GPC5: variants seen among roughly 807,000 people sequenced by gnomAD.
GPC5 encodes the protein glypican-5.
In GPC5, 47 loss-of-function variants were observed where a neutral mutation model predicts 53.9. The ratio of observed to expected loss-of-function variants is 0.87; its 90% CI spans 0.69 to 1.11. The LOEUF is 1.11. Among genes scored for constraint, GPC5 ranks in the 50% most tolerant of loss-of-function variants. The pLI, the probability that GPC5 is intolerant of heterozygous loss-of-function variation, is 0.00. For synonymous variants in GPC5, 286 were observed against 263.3 expected, an observed-to-expected ratio of 1.09 and a Z score of -0.84; for missense variants, 748 against 713.1, an observed-to-expected ratio of 1.05 and a Z score of -0.56.
chr13:92,855,668 G>C (rs1308892414), intron 7 of GPC5, among the ~76,000 whole-genome samples: 1 of 149,918 alleles, frequency 6.7e-6, no homozygotes, highest in Non-Finnish European at 1.5e-5. Context: ...TGACAAAAGT[G>C]ACATTATAAA....
chr13:91,852,162 C>G (rs1453613510), intron 5 of GPC5, among the ~76,000 whole-genome samples: 5 of 152,034 alleles, frequency 3.3e-5, no homozygotes, highest in Admixed American at 6.6e-5. Flanking sequence ...TTTTACTTTA[C>G]AAGCATTAGT....
intron 6 of GPC5, among the ~76,000 whole-genome samples, chr13:92,009,274 G>GTGTGTGTGTC: frequency 6.6e-6 from 1 of 151,546 alleles, no homozygotes; most frequent in East Asian, 1.9e-4. Flanking sequence ...GTGTGTGTGT[G>GTGTGTGTGTC]TGTGTGTGTG....
At chr13:92,281,102 C>T (rs1031166706) in intron 7 of GPC5, among the ~76,000 whole-genome samples, 4 of 152,196 alleles carry the variant, frequency 2.6e-5, no homozygotes, top group Admixed American at 6.5e-5. Flanking sequence ...GAGATAATAT[C>T]CCGTGCCTGG....
chr13:92,156,616 T>C (rs2041946956), intron 7 of GPC5, among the ~76,000 whole-genome samples: 1 of 152,200 alleles, frequency 6.6e-6, no homozygotes, highest in Non-Finnish European at 1.5e-5. Context: ...ACCAGTCTAA[T>C]AAATGGTATC....
intron 7 of GPC5, among the ~76,000 whole-genome samples, chr13:92,391,796 A>C (rs993576621): frequency 6.6e-6 from 1 of 152,180 alleles, no homozygotes; most frequent in South Asian, 2.1e-4. Context: ...TTAGGGGAAC[A>C]CATAGAATCC....
intron 7 of GPC5, chr13:92,240,334 T>G (rs2042602447): frequency 6.6e-6 from 1 of 152,092 alleles, no homozygotes; most frequent in African/African-American, 2.4e-5. Flanking sequence ...ATTAAGCAAT[T>G]CTTAGCATCT....
intron 7 of GPC5, among the ~76,000 whole-genome samples, chr13:92,414,920 G>C (rs1488642701): frequency 1.3e-5 from 2 of 152,124 alleles, no homozygotes; most frequent in Non-Finnish European, 2.9e-5. Context: ...TTATCACATT[G>C]GGGATTAAGT....
chr13:91,515,680 A>T (rs1885460063), intron 2 of GPC5, among the ~76,000 whole-genome samples: 1 of 152,190 alleles, frequency 6.6e-6, no homozygotes, highest in East Asian at 1.9e-4. Flanking sequence ...CCCACCAAAT[A>T]ATCCAGGATA....
intron 5 of GPC5, among the ~76,000 whole-genome samples, chr13:91,812,426 CT>C (rs2038327703): frequency 6.6e-6 from 1 of 152,116 alleles, no homozygotes; most frequent in African/African-American, 2.4e-5. Flanking sequence ...TTATGAAGTA[CT>C]TTAGCACACT....
intron 6 of GPC5, among the ~76,000 whole-genome samples, chr13:91,997,937 A>G (rs1193311003): frequency 6.6e-6 from 1 of 152,224 alleles, no homozygotes; most frequent in East Asian, 1.9e-4. Flanking sequence ...AAAGTTCTAG[A>G]AATTCTTTCA....
chr13:91,781,439 A>G (rs1472792840), intron 5 of GPC5, among the ~76,000 whole-genome samples: 1 of 152,236 alleles, frequency 6.6e-6, no homozygotes, highest in Non-Finnish European at 1.5e-5. Flanking sequence ...CCTTTTATTT[A>G]TAAGGTATTC....
chr13:92,063,333 A>C (rs1249546756), intron 6 of GPC5, among the ~76,000 whole-genome samples: 2 of 152,146 alleles, frequency 1.3e-5, no homozygotes, highest in Non-Finnish European at 2.9e-5. Context: ...ATTTCTTACT[A>C]ACTTAAAATG....
intron 7 of GPC5, among the ~76,000 whole-genome samples, chr13:92,537,592 A>G (rs961575282): frequency 3.9e-5 from 6 of 152,120 alleles, no homozygotes; most frequent in African/African-American, 1.4e-4. Context: ...ATTGCCTAAT[A>G]TAAGTTTACA....
At chr13:92,862,927 C>T (rs1879228738) in intron 7 of GPC5, among the ~76,000 whole-genome samples, 2 of 152,014 alleles carry the variant, frequency 1.3e-5, no homozygotes, top group African/African-American at 4.8e-5. Flanking sequence ...GGAAAATACC[C>T]ACACTCTCCT....
chr13:92,363,307 G>C (rs1465822937), intron 7 of GPC5, among the ~76,000 whole-genome samples: 2 of 151,642 alleles, frequency 1.3e-5, no homozygotes, highest in African/African-American at 4.9e-5. Flanking sequence ...ATCATCTTAA[G>C]AATTTGGCCC....
chr13:91,557,214 C>T (rs557852348), intron 2 of GPC5, among the ~76,000 whole-genome samples: 2 of 152,200 alleles, frequency 1.3e-5, no homozygotes, highest in East Asian at 1.9e-4. Flanking sequence ...GCCATCATTT[C>T]CTGCTGCTCC....
At chr13:92,495,826 G>C (rs980629343) in intron 7 of GPC5, among the ~76,000 whole-genome samples, 1 of 151,904 alleles carries the variant, frequency 6.6e-6, no homozygotes, top group Non-Finnish European at 1.5e-5. Flanking sequence ...TTTTCAACCT[G>C]TGTAAACCCC....
chr13:91,970,996 G>A (rs557242866), intron 6 of GPC5, among the ~76,000 whole-genome samples: 64 of 152,282 alleles, frequency 4.2e-4, no homozygotes, highest in African/African-American at 1.5e-3. Context: ...GAGTTAGGAA[G>A]GATTCCCTCT....
At chr13:92,432,504 C>T (rs1238044645) in intron 7 of GPC5, among the ~76,000 whole-genome samples, 3 of 150,040 alleles carry the variant, frequency 2.0e-5, no homozygotes, top group South Asian at 4.2e-4. Flanking sequence ...AAGTGATCTG[C>T]GTGATCATCA....
Sources: allele counts gnomAD v4.1 joint callset (sites outside exome capture counted in the v4.1 genomes callset), GRCh38; gene constraint gnomAD v4.1.1; transcripts MANE v1.5; gene names NCBI Gene and HGNC (gene_info 2026-07-23, HGNC 2026-07-21).